RUNDC3B: variants seen among roughly 807,000 people sequenced by gnomAD.
The protein encoded by RUNDC3B is RUN domain-containing protein 3B.
A neutral mutation model predicts 58.4 loss-of-function variants in RUNDC3B; 33 were observed. The observed-to-expected ratio is 0.56, with a 90% CI of 0.43 to 0.75. The LOEUF (loss-of-function observed/expected upper bound fraction) is 0.75. Among genes scored for constraint, RUNDC3B ranks in the 30% least tolerant of loss-of-function variants. RUNDC3B has a pLI of 0.00. For synonymous variants in RUNDC3B, 193 were observed against 195.2 expected (o/e 0.99, Z 0.10); for missense variants, 501 against 535.7 (o/e 0.94, Z 0.64).
intron 4 of RUNDC3B, among the ~76,000 whole-genome samples, chr7:87,730,129 G>A (rs894151984): frequency 2.6e-5 from 4 of 152,170 alleles, no homozygotes; most frequent in Non-Finnish European, 4.4e-5. Context: ...GGCCATGCTG[G>A]CTTCAGGAGT....
intron 3 of RUNDC3B, among the ~76,000 whole-genome samples, chr7:87,709,912 T>C (rs954099091): frequency 6.6e-6 from 1 of 152,208 alleles, no homozygotes; most frequent in African/African-American, 2.4e-5. Context: ...TAATTACTTT[T>C]AGTAAGAATT....
At chr7:87,755,417 A>C (rs931676901) in intron 6 of RUNDC3B, among the ~76,000 whole-genome samples, 1 of 152,154 alleles carries the variant, frequency 6.6e-6, no homozygotes, top group Non-Finnish European at 1.5e-5. Flanking sequence ...CTGATACCAA[A>C]ACCTGGCAGA....
Position 87,679,832 on chromosome 7 carries a change from T to C in RUNDC3B, c.239-20589T>C, listed in dbSNP as rs150674191. Among the ~76,000 whole-genome samples, 306 of 150,812 alleles carry C rather than the reference T, an allele frequency of 2.0e-3. 27 individuals carry two copies. The highest frequency in any genetic ancestry group is 7.2e-3 in the African/African-American group (295 of 40,700). On this transcript the variant is annotated intron_variant, in intron 2 of 10. Transcript: ENST00000394654. ...AGCAAATTTAAAAGAATTGAAATCATATAAAGTATGTTCTCTGTAATGGAA... is the reference window on the plus strand; with the variant it reads ...AGCAAATTTAAAAGAATTGAAATCACATAAAGTATGTTCTCTGTAATGGAA...
chr7:87,638,153 A>G (rs1161136831), intron 1 of RUNDC3B, among the ~76,000 whole-genome samples: 1 of 152,134 alleles, frequency 6.6e-6, no homozygotes, highest in African/African-American at 2.4e-5. Context: ...ACCACTCTGG[A>G]ATAAAAAAAC....
At chr7:87,720,542 ATG>A (rs3028189) in intron 4 of RUNDC3B, among the ~76,000 whole-genome samples, 87,885 of 145,064 alleles carry the variant, frequency 0.61, 27,207 homozygotes, top group East Asian at 0.81. Context: ...GATAGGATAT[ATG>A]TGTGTGTGTG....
intron 2 of RUNDC3B, among the ~76,000 whole-genome samples, chr7:87,665,965 T>C (rs1428136312): frequency 6.6e-6 from 1 of 152,134 alleles, no homozygotes; most frequent in Non-Finnish European, 1.5e-5. Flanking sequence ...TGTGTCTTTA[T>C]GGTAGAATGA....
At chr7:87,787,272 T>C (rs1048174214) in intron 8 of RUNDC3B, among the ~76,000 whole-genome samples, 1 of 152,172 alleles carries the variant, frequency 6.6e-6, no homozygotes, top group Non-Finnish European at 1.5e-5. Context: ...AAAAATCAAC[T>C]GTCAAGAAGG....
chr7:87,799,536 G>A (rs546749449), intron 8 of RUNDC3B, among the ~76,000 whole-genome samples: 2 of 152,114 alleles, frequency 1.3e-5, no homozygotes, highest in East Asian at 1.9e-4. Flanking sequence ...AGTGTGCCGT[G>A]TCACAAATAG....
chr7:87,772,228 A>G (rs949979867), intron 7 of RUNDC3B, among the ~76,000 whole-genome samples: 3 of 152,164 alleles, frequency 2.0e-5, no homozygotes, highest in Admixed American at 2.0e-4. Flanking sequence ...TTAATGTTTA[A>G]TAACAGCAAT....
intron 2 of RUNDC3B, among the ~76,000 whole-genome samples, chr7:87,668,859 G>T (rs1825539808): frequency 6.6e-6 from 1 of 152,076 alleles, no homozygotes; most frequent in South Asian, 2.1e-4. Context: ...TATGATTTCA[G>T]TTCTTTTACA....
At chr7:87,773,196 AC>A (rs1834378777) in intron 7 of RUNDC3B, among the ~76,000 whole-genome samples, 1 of 151,800 alleles carries the variant, frequency 6.6e-6, no homozygotes, top group Non-Finnish European at 1.5e-5. Context: ...GGTGGCGGGC[AC>A]CTGTAGTCCC....
chr7:87,730,791 A>G (rs1264282416), intron 4 of RUNDC3B, among the ~76,000 whole-genome samples: 5 of 152,032 alleles, frequency 3.3e-5, no homozygotes, highest in Non-Finnish European at 7.4e-5. Context: ...GATCTGACTC[A>G]GCACAGTCCC....
intron 2 of RUNDC3B, among the ~76,000 whole-genome samples, chr7:87,697,044 C>T (rs1343228870): frequency 6.6e-6 from 1 of 152,152 alleles, no homozygotes. Flanking sequence ...AAGTTATTTT[C>T]TTCAGCCACC....
At chr7:87,792,615 G>A (rs889278846) in intron 8 of RUNDC3B, among the ~76,000 whole-genome samples, 1 of 152,016 alleles carries the variant, frequency 6.6e-6, no homozygotes, top group African/African-American at 2.4e-5. Context: ...TGACCAGTGG[G>A]TCAGGAAGTA....
chr7:87,796,550 A>G (rs1426615476), intron 8 of RUNDC3B, among the ~76,000 whole-genome samples: 3 of 152,236 alleles, frequency 2.0e-5, no homozygotes, highest in Non-Finnish European at 4.4e-5. Flanking sequence ...GCTTGTATCA[A>G]AATGTCTCAT....
At chr7:87,679,539 A>G (rs923192115) in intron 2 of RUNDC3B, among the ~76,000 whole-genome samples, 1 of 149,832 alleles carries the variant, frequency 6.7e-6, no homozygotes, top group Non-Finnish European at 1.5e-5. Flanking sequence ...ACAGGCACAC[A>G]CCACTACACC....
intron 4 of RUNDC3B, among the ~76,000 whole-genome samples, chr7:87,719,651 T>C (rs1652765379): frequency 1.3e-5 from 2 of 151,788 alleles, no homozygotes; most frequent in Non-Finnish European, 2.9e-5. Flanking sequence ...AGTAGTTATA[T>C]AATAGAAATA....
At chr7:87,656,253 T>A (rs1296305838) in intron 2 of RUNDC3B, among the ~76,000 whole-genome samples, 1 of 152,110 alleles carries the variant, frequency 6.6e-6, no homozygotes, top group African/African-American at 2.4e-5. Flanking sequence ...TTTGTCAATT[T>A]AAAAATTTTT....
intron 10 of RUNDC3B, 150 bp from the exon 11 acceptor site, chr7:87,829,735 A>G (rs1365574637): frequency 2.0e-6 from 1 of 512,400 alleles, no homozygotes; most frequent in Non-Finnish European, 3.4e-6. Flanking sequence ...TGGGGATAGC[A>G]GTCAATCATG....
Sources: allele counts gnomAD v4.1 joint callset (sites outside exome capture counted in the v4.1 genomes callset), GRCh38; gene constraint gnomAD v4.1.1; transcripts MANE v1.5; gene names NCBI Gene and HGNC (gene_info 2026-07-23, HGNC 2026-07-21).